The following ELOVL2 variants were observed in gnomAD, a reference collection of about 807,000 sequenced individuals.
ELOVL2 encodes the protein ELOVL fatty acid elongase 2.
ELOVL2 carries 38 observed loss-of-function variants against 37.7 expected under a neutral mutation model. That is an observed-to-expected ratio of 1.01 (90% CI 0.78 to 1.32). The LOEUF (loss-of-function observed/expected upper bound fraction) is 1.32. Ranked by LOEUF, ELOVL2 falls within the 40% of genes most tolerant of loss-of-function variation. The pLI is 0.00. For synonymous variants in ELOVL2, 115 were observed against 122.3 expected, an observed-to-expected ratio of 0.94 and a Z score of 0.40; for missense variants, 352 against 363.6, an observed-to-expected ratio of 0.97 and a Z score of 0.26.
intron 5 of ELOVL2, among the ~76,000 whole-genome samples, chr6:10,993,148 ATTTG>A (rs1210908167): frequency 4.1e-4 from 62 of 152,384 alleles, no homozygotes; most frequent in South Asian, 3.5e-3. Context: ...TTAAACAGGC[ATTTG>A]TTTGCTGTTC....
intron 7 of ELOVL2, 62 bp downstream of exon 7, chr6:10,989,640 CA>C (rs5874298): frequency 0.14 from 181,225 of 1,254,226 alleles, no homozygotes; most frequent in Non-Finnish European, 0.15. Context: ...ACTCTGTCTC[CA>C]AAAAAAAAAA....
Position 10,989,839 on chromosome 6 carries a change from T to C in ELOVL2, c.631-2A>G, listed in dbSNP as rs781400797. The C allele has an allele frequency of 6.2e-7, 1 of 1,614,038 alleles. No homozygotes were observed. The highest frequency in any genetic ancestry group is 8.5e-7 in the Non-Finnish European group (1 of 1,179,966). On this transcript the variant is annotated splice_acceptor_variant, in intron 6 of 7. Coordinates refer to ENST00000354666, the MANE Select transcript of ELOVL2 (RefSeq NM_017770.4). LOFTEE classifies it high-confidence loss of function. The stretch of plus-strand genomic sequence containing the variant: ...CGTGATGGTGAGCACGAACTGCACC[T>C]GGGGACGGCAGAGAGGGCATCTCTG...
chr6:11,030,522 C>T (rs551177680), intron 1 of ELOVL2, among the ~76,000 whole-genome samples: 10 of 152,126 alleles, frequency 6.6e-5, no homozygotes, highest in African/African-American at 2.2e-4. Context: ...GATGGAGTCT[C>T]GCTCTGTCAC....
At chr6:11,013,554 G>A (rs1422582724) in intron 1 of ELOVL2, among the ~76,000 whole-genome samples, 3 of 152,164 alleles carry the variant, frequency 2.0e-5, no homozygotes, top group Non-Finnish European at 2.9e-5. Flanking sequence ...AACAGCATTC[G>A]TGTACATAAC....
chr6:11,035,991 G>A (rs1451217372), intron 1 of ELOVL2, among the ~76,000 whole-genome samples: 1 of 152,202 alleles, frequency 6.6e-6, no homozygotes, highest in Admixed American at 6.5e-5. Context: ...TAAAGAATAT[G>A]TATTCAACGT....
At chr6:10,984,630 G>A (rs1342479114) in intron 7 of ELOVL2, among the ~76,000 whole-genome samples, 11 of 149,440 alleles carry the variant, frequency 7.4e-5, no homozygotes, top group South Asian at 4.3e-4. Flanking sequence ...TTGTTCTTGC[G>A]ATAGTTTACT....
At chr6:11,007,597 T>C (rs1008152161) in intron 2 of ELOVL2, among the ~76,000 whole-genome samples, 2 of 152,210 alleles carry the variant, frequency 1.3e-5, no homozygotes, top group Admixed American at 6.5e-5. Flanking sequence ...TGTGAAAGAA[T>C]ACATTTCTGC....
intron 4 of ELOVL2, among the ~76,000 whole-genome samples, chr6:10,998,462 T>C (rs1054388674): frequency 8.5e-5 from 13 of 152,200 alleles, no homozygotes; most frequent in African/African-American, 3.1e-4. Flanking sequence ...CTAAAATGAA[T>C]TGGTGCTCTA....
At chr6:10,995,538 C>G (rs1202853619) in intron 4 of ELOVL2, among the ~76,000 whole-genome samples, 1 of 152,350 alleles carries the variant, frequency 6.6e-6, no homozygotes, top group South Asian at 2.1e-4. Flanking sequence ...TGTGCTGGAA[C>G]AGTGGCCTGC....
At chr6:11,043,312 C>A (rs1783131660) in intron 1 of ELOVL2, among the ~76,000 whole-genome samples, 1 of 151,900 alleles carries the variant, frequency 6.6e-6, no homozygotes, top group African/African-American at 2.4e-5. Flanking sequence ...AAGACCAGTC[C>A]TTTGAGGATG....
At chr6:11,032,429 C>T (rs1782945701) in intron 1 of ELOVL2, among the ~76,000 whole-genome samples, 1 of 151,060 alleles carries the variant, frequency 6.6e-6, no homozygotes, top group South Asian at 2.1e-4. Context: ...TTAGCTTTTT[C>T]TACTCTATGT....
intron 4 of ELOVL2, among the ~76,000 whole-genome samples, chr6:10,999,478 C>T (rs1441319840): frequency 3.3e-5 from 5 of 151,618 alleles, no homozygotes; most frequent in African/African-American, 9.7e-5. Context: ...CGGGTTCAAG[C>T]GATTCTCCTG....
rs769352659 is a variant in ELOVL2, at chr6:10,981,370, TAAC to T, written c.*2408_*2410del. 2 of 152,654 alleles carry T rather than the reference TAAC, an allele frequency of 1.3e-5. No homozygotes were observed. Among genetic ancestry groups the T allele is most frequent in the South Asian group, 2.1e-4 (1 of 4,828 alleles). 9.5% of individuals were successfully genotyped at this position (152,654 alleles called of 1,614,324 possible). A position where few individuals can be genotyped will look rare whatever the true frequency, so the allele number is the denominator to read the frequency against. On this transcript the variant is annotated 3_prime_UTR_variant, in exon 8 of 8. Coordinates refer to ENST00000354666, the MANE Select transcript of ELOVL2 (RefSeq NM_017770.4). ...TTTGGTTTTTTGAAGTTACAACACT[TAAC>T]GACAGGTTAAAATGTTTACCTGATT...
chr6:10,988,079 CTT>C (rs1486611247), intron 7 of ELOVL2, among the ~76,000 whole-genome samples: 2 of 152,238 alleles, frequency 1.3e-5, no homozygotes, highest in Non-Finnish European at 2.9e-5. Flanking sequence ...CCCTTTAACA[CTT>C]AGCGTTTATT....
chr6:10,993,847 C>T lies in ELOVL2; in HGVS notation c.505+1160G>A, dbSNP rs148535722. On this transcript the variant is annotated intron_variant, in intron 5 of 7. Coordinates refer to ENST00000354666, the MANE Select transcript of ELOVL2 (RefSeq NM_017770.4). The stretch of plus-strand genomic sequence containing the variant: ...GTGGTATTACAAGTGCACGTCACCA[C>T]GCCCAGCTAATTTTTTTTTTTTTTT... Among the ~76,000 whole-genome samples, 1,224 of 148,664 alleles carry T rather than the reference C, an allele frequency of 8.2e-3. 9 individuals carry two copies. The highest frequency in any genetic ancestry group is 0.013 in the Non-Finnish European group (886 of 67,480).
At chr6:11,006,888 C>A (rs934064288) in intron 2 of ELOVL2, among the ~76,000 whole-genome samples, 28 of 152,190 alleles carry the variant, frequency 1.8e-4, no homozygotes, top group African/African-American at 6.5e-4. Flanking sequence ...GATAAAGGTC[C>A]TGACTTCTGA....
At chr6:11,035,466 C>T (rs751103176) in intron 1 of ELOVL2, among the ~76,000 whole-genome samples, 4 of 152,150 alleles carry the variant, frequency 2.6e-5, no homozygotes, top group Non-Finnish European at 4.4e-5. Context: ...TTCACACAAT[C>T]GGTTTCATCA....
rs112015080 is a variant in ELOVL2, at chr6:10,983,880, T to C, written c.792A>G (p.Lys264=). The part of the protein sequence containing the change: ...VQTYRKKPMK[K]DMQEPPAGKE... The stretch of plus-strand genomic sequence containing the variant: ...TCCCTGCAGGTGGCTCTTGCATATC[T>C]TTCTTCATTGGCTTTTTTCGGTATG... Residue 264 remains lysine, a synonymous_variant, in exon 8 of 8, where the codon AAA becomes AAG. Coordinates refer to ENST00000354666, the MANE Select transcript of ELOVL2 (RefSeq NM_017770.4). The C allele has an allele frequency of 6.2e-7, 1 of 1,613,594 alleles. No individual in the cohort carries two copies. The highest frequency in any genetic ancestry group is 8.5e-7 in the Non-Finnish European group (1 of 1,179,802).
In ELOVL2 at chr6:10,990,406, ATG is replaced by A; in HGVS notation, c.540_541del (p.Ile181SerfsTer140). ...AAGTCCATAGTAGGAGTACATAAGA[ATG>A]TGGATAAAACTGTTCAGTGTTGGTC... On this transcript the variant is annotated frameshift_variant, in exon 6 of 8. Transcript: ENST00000354666. LOFTEE classifies it high-confidence loss of function. 1.2e-6 allele frequency: 2 copies of A among 1,611,410 alleles called. No individual in the cohort carries two copies. The highest frequency in any genetic ancestry group is 8.5e-7 in the Non-Finnish European group (1 of 1,179,098).
Sources: gnomAD v4.1 joint callset for allele counts (sites outside exome capture counted in the v4.1 genomes callset) on GRCh38, gnomAD v4.1.1 for gene constraint, MANE v1.5 for transcripts, NCBI Gene and HGNC (gene_info 2026-07-23, HGNC 2026-07-21) for gene names.